Variants in ZNF654 observed in about 807,000 individuals in gnomAD.
ZNF654 encodes the protein zinc finger protein 654.
ZNF654 carries 19 observed loss-of-function variants against 95.3 expected under a neutral mutation model. The ratio of observed to expected loss-of-function variants is 0.20; its 90% CI spans 0.14 to 0.29. The LOEUF (loss-of-function observed/expected upper bound fraction) is 0.29. ZNF654 is among the 10% of genes least tolerant of loss of function. The pLI is 1.00. For synonymous variants in ZNF654, 413 were observed against 457.9 expected (o/e 0.90, Z 1.25); for missense variants, 1,046 against 1,341.0 (o/e 0.78, Z 3.44).
chr3:88,140,873 A>G lies in ZNF654; in HGVS notation c.3204A>G (p.Lys1068=). The part of the protein sequence containing the change: ...ERYLSMPKRR[K]FLTDRVDACS... ...ATCTTAGTATGCCAAAACGCAGAAA[A>G]TTTCTGACTGATAGAGTAGATGCCT... The change falls in exon 8 of 9, where the codon AAA becomes AAG. Residue 1068 remains lysine (K), a synonymous_variant. Transcript: ENST00000636215. The G allele has an allele frequency of 1.2e-6, 2 of 1,613,680 alleles. No homozygotes were observed. The highest frequency in any genetic ancestry group is 1.7e-6 in the Non-Finnish European group (2 of 1,179,674).
intron 1 of ZNF654, among the ~76,000 whole-genome samples, chr3:88,067,928 A>G (rs763580564): frequency 2.6e-5 from 4 of 151,884 alleles, no homozygotes; most frequent in Non-Finnish European, 4.4e-5. Flanking sequence ...GTGTACACTT[A>G]AAATCTGGTG....
In ZNF654 at chr3:88,112,477, A is replaced by G. The variant is rs143848508; in HGVS notation, c.333-638A>G. On this transcript the variant is annotated intron_variant, in intron 2 of 8. Coordinates refer to ENST00000636215, the MANE Select transcript of ZNF654 (RefSeq NM_001350134.2). ...TTATGAATCATAAATTATTAAGAGCACATAAAGTATTTAGTAACAGTATTT... is the reference window on the plus strand; with the variant it reads ...TTATGAATCATAAATTATTAAGAGCGCATAAAGTATTTAGTAACAGTATTT... Among the ~76,000 whole-genome samples the G allele has an allele frequency of 6.9e-3, 1,048 of 151,634 alleles. 8 individuals carry two copies. The highest frequency in any genetic ancestry group is 0.021 in the Middle Eastern group (6 of 290).
intron 3 of ZNF654, among the ~76,000 whole-genome samples, chr3:88,118,332 AGGC>A (rs1705539084): frequency 1.3e-5 from 2 of 150,624 alleles, no homozygotes; most frequent in African/African-American, 5.0e-5. Context: ...CCCAAGCAGG[AGGC>A]TCAACGCTAT....
At chr3:88,074,798 A>G (rs1707709823) in intron 1 of ZNF654, among the ~76,000 whole-genome samples, 1 of 152,222 alleles carries the variant, frequency 6.6e-6, no homozygotes, top group Non-Finnish European at 1.5e-5. Context: ...AAAATTAGTG[A>G]TATCAGAAGG....
intron 2 of ZNF654, among the ~76,000 whole-genome samples, chr3:88,091,849 C>T (rs1244071630): frequency 6.6e-6 from 1 of 152,188 alleles, no homozygotes; most frequent in Non-Finnish European, 1.5e-5. Context: ...GAGGCCTCCT[C>T]AGCCATGTAG....
intron 1 of ZNF654, among the ~76,000 whole-genome samples, chr3:88,078,106 G>C (rs1707909039): frequency 6.6e-6 from 1 of 152,118 alleles, no homozygotes; most frequent in South Asian, 2.1e-4. Flanking sequence ...AAACTATTGT[G>C]AATATCGGAC....
In ZNF654 at chr3:88,140,137, A is replaced by T; in HGVS notation, c.2468A>T (p.Asn823Ile). The change falls in exon 8 of 9, where the codon AAC becomes ATC. Residue 823 changes from asparagine (N) to isoleucine (I), a missense_variant. By Grantham distance (149) the Asn-to-Ile change is moderately radical. Around this residue, in one of 9 missense-constraint regions of ZNF654, gnomAD observed 495 missense variants for 537.0 expected, o/e 0.92. Transcript: ENST00000636215. ...NVYFCLHFNCNESFKLPFQLA... is the reference protein window; with the variant it reads ...NVYFCLHFNCIESFKLPFQLA... ...TATTTTTGTTTGCATTTTAATTGCA[A>T]CGAGTCGTTTAAGCTGCCGTTCCAG... 1 of 1,613,912 alleles carries T rather than the reference A, an allele frequency of 6.2e-7. No homozygotes were observed. Among genetic ancestry groups the T allele is most frequent in the Non-Finnish European group, 8.5e-7 (1 of 1,179,810 alleles).
intron 1 of ZNF654, among the ~76,000 whole-genome samples, chr3:88,082,416 C>T (rs1430676326): frequency 1.3e-5 from 2 of 152,238 alleles, no homozygotes; most frequent in East Asian, 3.8e-4. Context: ...TGAGCCACCA[C>T]ACCTGGCCTG....
At chr3:88,129,641 T>G (rs1446486777) in intron 5 of ZNF654, 46 bp from the exon 6 acceptor site, 4 of 1,322,188 alleles carry the variant, frequency 3.0e-6, no homozygotes, top group Non-Finnish European at 3.9e-6. Flanking sequence ...ACTAGCTTCT[T>G]AGATATTTTT....
intron 2 of ZNF654, among the ~76,000 whole-genome samples, chr3:88,112,364 T>G (rs1024624971): frequency 6.6e-6 from 1 of 151,906 alleles, no homozygotes; most frequent in Non-Finnish European, 1.5e-5. Flanking sequence ...GAGGGATTTG[T>G]CACTTGTACT....
chr3:88,129,871 C>A, intron 6 of ZNF654, 45 bp downstream of exon 6: 1 of 1,336,756 alleles, frequency 7.5e-7, no homozygotes. Context: ...AGATGGGCAA[C>A]AGAAAGGAAA....
At position 88,129,725 on chromosome 3, in the gene ZNF654, C is replaced by A; in HGVS notation, c.792C>A (p.Ile264=). Reference sequence around the variant, plus strand: ...CTGATTGTAAGAGTGGAATTGATATCATCTGTAATGCTGAAAAAGAAGGCA... The same window carrying A: ...CTGATTGTAAGAGTGGAATTGATATAATCTGTAATGCTGAAAAAGAAGGCA... ...LKTDCKSGID[I]ICNAEKEGKT... The change falls in exon 6 of 9, where the codon ATC becomes ATA. Residue 264 remains isoleucine, a synonymous_variant. Coordinates refer to ENST00000636215, the MANE Select transcript of ZNF654 (RefSeq NM_001350134.2). 6.6e-7 allele frequency: 1 copy of A among 1,525,326 alleles called. No homozygotes were observed. The highest frequency in any genetic ancestry group is 8.8e-7 in the Non-Finnish European group (1 of 1,139,850). The allele number at this position is 1,525,326 out of a possible 1,614,324, so 94.5% of individuals were successfully genotyped here.
chr3:88,093,472 T>C (rs1703870492), intron 2 of ZNF654, among the ~76,000 whole-genome samples: 1 of 152,154 alleles, frequency 6.6e-6, no homozygotes, highest in Non-Finnish European at 1.5e-5. Flanking sequence ...CAAGAATCAC[T>C]GGAGGAGGAA....
At chr3:88,119,803 T>C (rs1391350863) in intron 3 of ZNF654, among the ~76,000 whole-genome samples, 1 of 152,174 alleles carries the variant, frequency 6.6e-6, no homozygotes, top group Non-Finnish European at 1.5e-5. Flanking sequence ...TCATTACTTA[T>C]TTTAAAATGC....
chr3:88,066,266 T>C (rs1707193635), intron 1 of ZNF654, among the ~76,000 whole-genome samples: 1 of 152,206 alleles, frequency 6.6e-6, no homozygotes, highest in Non-Finnish European at 1.5e-5. Flanking sequence ...AACCACTCAC[T>C]ACATTGCTTC....
chr3:88,095,687 C>G (rs1335233869), intron 2 of ZNF654: 1 of 427,470 alleles, frequency 2.3e-6, no homozygotes, highest in Non-Finnish European at 4.5e-6. Context: ...ACTGTCAGCA[C>G]AGTTTGAGAA....
At chr3:88,060,213 C>G (rs1442731932) in intron 1 of ZNF654, among the ~76,000 whole-genome samples, 4 of 152,118 alleles carry the variant, frequency 2.6e-5, no homozygotes, top group Non-Finnish European at 5.9e-5. Context: ...CTCCGGTTAA[C>G]ATCACCAACC....
chr3:88,132,178 T>A (rs1160508883), intron 6 of ZNF654, among the ~76,000 whole-genome samples: 2 of 152,140 alleles, frequency 1.3e-5, no homozygotes, highest in Non-Finnish European at 2.9e-5. Context: ...GGATTCAAAC[T>A]TAGGCAGTCT....
intron 1 of ZNF654, among the ~76,000 whole-genome samples, chr3:88,068,575 A>G (rs1250100336): frequency 6.6e-6 from 1 of 152,144 alleles, no homozygotes; most frequent in East Asian, 1.9e-4. Flanking sequence ...TACTCTTCCC[A>G]GTGATTTGAT....
Sources: gnomAD v4.1 joint callset for allele counts (sites outside exome capture counted in the v4.1 genomes callset) on GRCh38, gnomAD v4.1.1 for gene constraint, gnomAD v4.1.1 regional missense constraint, MANE v1.5 for transcripts, NCBI Gene and HGNC (gene_info 2026-07-23, HGNC 2026-07-21) for gene names.